DDC: variants seen among roughly 807,000 people sequenced by gnomAD.
The protein encoded by DDC is dopa decarboxylase, also known as aromatic-L-amino-acid decarboxylase.
A neutral mutation model predicts 60.0 loss-of-function variants in DDC; 43 were observed. The ratio of observed to expected loss-of-function variants is 0.72; its 90% CI spans 0.56 to 0.92. The LOEUF is 0.92. Ranked by LOEUF, DDC falls within the 40% of genes least tolerant of loss-of-function variation. DDC has a pLI of 0.00. For missense variants in DDC, 573 were observed against 620.2 expected, an observed-to-expected ratio of 0.92 and a Z score of 0.81; for synonymous variants, 232 against 234.6, an observed-to-expected ratio of 0.99 and a Z score of 0.10.
At chr7:50,545,218 A>T (rs1050349824) in intron 1 of DDC, among the ~76,000 whole-genome samples, 2 of 152,236 alleles carry the variant, frequency 1.3e-5, no homozygotes, top group African/African-American at 4.8e-5. Flanking sequence ...GGACAAGCAC[A>T]TTCTCCACTA....
chr7:50,482,853 T>C (rs2042799576), intron 9 of DDC, among the ~76,000 whole-genome samples: 1 of 152,224 alleles, frequency 6.6e-6, no homozygotes, highest in South Asian at 2.1e-4. Flanking sequence ...TGTAAAAAAA[T>C]GCAACCTTAA....
chr7:50,462,726 C>T (rs1289571333), intron 14 of DDC, among the ~76,000 whole-genome samples: 1 of 150,408 alleles, frequency 6.6e-6, no homozygotes, highest in Non-Finnish European at 1.5e-5. Flanking sequence ...ATGTATCATT[C>T]CTTCTACTTC....
intron 11 of DDC, among the ~76,000 whole-genome samples, chr7:50,472,123 G>A (rs2042546136): frequency 6.6e-6 from 1 of 152,106 alleles, no homozygotes; most frequent in Non-Finnish European, 1.5e-5. Flanking sequence ...ATGCTCCTGG[G>A]TGCCTGCAGT....
At chr7:50,460,036 T>C (rs76833548) in intron 14 of DDC, among the ~76,000 whole-genome samples, 105,182 of 129,812 alleles carry the variant, frequency 0.81, 42,574 homozygotes, top group Admixed American at 0.87. Context: ...CCCGGCCAGC[T>C]GCCCCGTCCG....
intron 14 of DDC, among the ~76,000 whole-genome samples, chr7:50,460,284 C>T (rs1342237032): frequency 6.3e-5 from 9 of 142,478 alleles, no homozygotes; most frequent in East Asian, 2.2e-4. Flanking sequence ...AGGTGAGGGG[C>T]GCCTCTGCCC....
Position 50,493,134 on chromosome 7 carries a change from G to T in DDC, c.944+2216C>A, listed in dbSNP as rs58085392. ...TTTCCTCATCTGTAAAGAGAGCGTG[G>T]CAATGTCTGTGTCCCTCAACACAGG... On this transcript the variant is annotated intron_variant, in intron 9 of 14. Coordinates refer to ENST00000444124, the MANE Select transcript of DDC (RefSeq NM_001082971.2). 76,380 of 768,138 alleles carry T rather than the reference G, an allele frequency of 0.099. 4,414 individuals carry two copies. The highest frequency in any genetic ancestry group is 0.21 in the African/African-American group (12,345 of 58,498). 47.6% of individuals were successfully genotyped at this position (768,138 alleles called of 1,614,324 possible). A position where few individuals can be genotyped will look rare whatever the true frequency, so the allele number is the denominator to read the frequency against.
At chr7:50,529,181 T>C in intron 5 of DDC, 27 bp downstream of exon 5, 2 of 1,612,512 alleles carry the variant, frequency 1.2e-6, no homozygotes, top group South Asian at 2.2e-5. Context: ...CTTGAAGTCT[T>C]GGCTGATACC....
intron 12 of DDC, among the ~76,000 whole-genome samples, chr7:50,468,696 T>A (rs192400085): frequency 6.6e-6 from 1 of 152,284 alleles, no homozygotes; most frequent in Non-Finnish European, 1.5e-5. Context: ...GCACACCTGG[T>A]TGTGAAGTGG....
At chr7:50,466,737 TCAAA>T (rs1216513419) in intron 13 of DDC, among the ~76,000 whole-genome samples, 1 of 152,150 alleles carries the variant, frequency 6.6e-6, no homozygotes, top group Non-Finnish European at 1.5e-5. Context: ...CAACACAGTG[TCAAA>T]CAGACTCCTG....
intron 9 of DDC, among the ~76,000 whole-genome samples, chr7:50,488,510 A>G (rs541325168): frequency 6.6e-6 from 1 of 152,194 alleles, no homozygotes; most frequent in Non-Finnish European, 1.5e-5. Flanking sequence ...TTTTTGTCCT[A>G]AAATAAAATC....
At chr7:50,551,445 C>T (rs927356249) in intron 1 of DDC, among the ~76,000 whole-genome samples, 1 of 151,964 alleles carries the variant, frequency 6.6e-6, no homozygotes, top group Non-Finnish European at 1.5e-5. Flanking sequence ...GTTGGCCAGG[C>T]TGGTCTCTAA....
chr7:50,459,520 C>A, intron 14 of DDC: 1 of 177,536 alleles, frequency 5.6e-6, no homozygotes, highest in Non-Finnish European at 1.2e-5. Flanking sequence ...AGGAGCGCCT[C>A]TTCCCGGCCG....
chr7:50,517,654 T>A (rs950303366), intron 6 of DDC, among the ~76,000 whole-genome samples: 3 of 152,010 alleles, frequency 2.0e-5, no homozygotes, highest in Non-Finnish European at 4.4e-5. Flanking sequence ...TTGCTGCCAA[T>A]ATGATTGCTT....
chr7:50,462,226 CAA>C (rs11410259), intron 14 of DDC, among the ~76,000 whole-genome samples: 1,218 of 75,344 alleles, frequency 0.016, 8 homozygotes, highest in African/African-American at 0.063. Flanking sequence ...GACAAAAAGA[CAA>C]AAAAAAAAAA....
At chr7:50,489,170 C>T (rs2042947592) in intron 9 of DDC, among the ~76,000 whole-genome samples, 1 of 152,116 alleles carries the variant, frequency 6.6e-6, no homozygotes, top group African/African-American at 2.4e-5. Flanking sequence ...CCACACCTGG[C>T]TAATTTTTGT....
Position 50,499,215 on chromosome 7 carries a change from A to G in DDC, c.809T>C (p.Val270Ala). The G allele has an allele frequency of 6.2e-7, 1 of 1,613,546 alleles. No homozygotes were observed. The highest frequency in any genetic ancestry group is 8.5e-7 in the Non-Finnish European group (1 of 1,179,700). Reference sequence around the variant, plus strand: ...TGCACTGCCTGCGTAGGCTGCATCAACGTGCAGCCATATGTCTTCCTTGTT... The same window carrying G: ...TGCACTGCCTGCGTAGGCTGCATCAGCGTGCAGCCATATGTCTTCCTTGTT... Reference protein sequence around the residue: ...ICNKEDIWLHVDAAYAGSAFI... With the variant: ...ICNKEDIWLHADAAYAGSAFI... The change falls in exon 8 of 15, where the codon GTT becomes GCT. Residue 270 changes from valine (V) to alanine (A), a missense_variant. Physicochemically the swap from Val to Ala is moderately conservative, Grantham distance 64 (BLOSUM62 0). Coordinates refer to ENST00000444124, the MANE Select transcript of DDC (RefSeq NM_001082971.2).
chr7:50,528,594 A>G (rs1426329558), intron 5 of DDC, among the ~76,000 whole-genome samples: 1 of 152,170 alleles, frequency 6.6e-6, no homozygotes, highest in Non-Finnish European at 1.5e-5. Context: ...GAGACCCTGG[A>G]AAGTAGATCC....
At chr7:50,525,100 A>G (rs1214858333) in intron 6 of DDC, among the ~76,000 whole-genome samples, 1 of 152,266 alleles carries the variant, frequency 6.6e-6, no homozygotes, top group South Asian at 2.1e-4. Context: ...CACATATTGT[A>G]TAATTCCATT....
intron 6 of DDC, 61 bp downstream of exon 6, chr7:50,528,076 T>A (rs2153545584): frequency 6.3e-7 from 1 of 1,585,418 alleles, no homozygotes; most frequent in East Asian, 2.3e-5. Context: ...TTTTTTTGTA[T>A]TTTTAGTAGA....
Sources: allele counts gnomAD v4.1 joint callset (sites outside exome capture counted in the v4.1 genomes callset), GRCh38; gene constraint gnomAD v4.1.1; transcripts MANE v1.5; gene names NCBI Gene and HGNC (gene_info 2026-07-23, HGNC 2026-07-21).